Variants in SLC25A31 observed in about 807,000 individuals in gnomAD.
The protein encoded by SLC25A31 is ADP/ATP translocase 4.
SLC25A31 carries 40 observed loss-of-function variants against 36.2 expected under a neutral mutation model. The ratio of observed to expected loss-of-function variants is 1.10; its 90% CI spans 0.86 to 1.44. SLC25A31 has a LOEUF of 1.44. Among genes scored for constraint, SLC25A31 ranks in the 40% most tolerant of loss-of-function variants. SLC25A31 has a pLI of 0.00. For synonymous variants in SLC25A31, 143 were observed against 149.7 expected (o/e 0.96, Z 0.32); for missense variants, 350 against 397.1 (o/e 0.88, Z 1.01).
At chr4:127,754,489 A>G (rs987308557) in intron 2 of SLC25A31, among the ~76,000 whole-genome samples, 2 of 152,116 alleles carry the variant, frequency 1.3e-5, no homozygotes, top group Admixed American at 6.5e-5. Flanking sequence ...TTACATACTA[A>G]CAATGAATTC....
chr4:127,743,014 T>C (rs1731759229), intron 1 of SLC25A31, among the ~76,000 whole-genome samples: 1 of 152,118 alleles, frequency 6.6e-6, no homozygotes, highest in South Asian at 2.1e-4. Flanking sequence ...AGAACTTTTC[T>C]GTGATTTGTT....
intron 2 of SLC25A31, among the ~76,000 whole-genome samples, chr4:127,748,237 A>T (rs568204628): frequency 2.0e-5 from 3 of 152,314 alleles, no homozygotes; most frequent in Admixed American, 6.5e-5. Context: ...CACTCACCTC[A>T]GTCCCTTATA....
intron 5 of SLC25A31, among the ~76,000 whole-genome samples, chr4:127,772,789 T>C (rs1732388242): frequency 6.7e-6 from 1 of 150,160 alleles, no homozygotes. Flanking sequence ...TTTTTTTCTT[T>C]TTTTTTTTTT....
chr4:127,739,309 C>T (rs185993522), intron 1 of SLC25A31, among the ~76,000 whole-genome samples: 19 of 152,196 alleles, frequency 1.2e-4, no homozygotes, highest in African/African-American at 4.1e-4. Context: ...ATTCTCTTAG[C>T]ACTTGCTTGC....
intron 2 of SLC25A31, among the ~76,000 whole-genome samples, chr4:127,755,809 G>A (rs975658378): frequency 3.3e-5 from 5 of 152,128 alleles, no homozygotes; most frequent in Admixed American, 1.3e-4. Context: ...CAAGGCGGGC[G>A]GATCACCTGA....
chr4:127,771,852 C>A (rs1329377298), intron 5 of SLC25A31, among the ~76,000 whole-genome samples: 1 of 152,152 alleles, frequency 6.6e-6, no homozygotes, highest in Non-Finnish European at 1.5e-5. Context: ...GATGATTAAA[C>A]CTTTTTTTCT....
Position 127,744,726 on chromosome 4 carries a change from C to T in SLC25A31, c.287C>T (p.Thr96Ile). The T allele has an allele frequency of 6.2e-7, 1 of 1,604,850 alleles. No homozygotes were observed. The highest frequency in any genetic ancestry group is 2.2e-5 in the East Asian group (1 of 44,662). Residue 96 changes from threonine (T) to isoleucine (I), a missense_variant, in exon 2 of 6, where the codon ACA becomes ATA. Physicochemically the swap from Thr to Ile is moderately conservative, Grantham distance 89. Transcript: ENST00000281154. ...GCAAATGTTATTCGGTATTTTCCAA[C>T]ACAAGCTCTAAACTTTGCTTTTAAG... ...NLANVIRYFP[T>I]QALNFAFKDK...
intron 1 of SLC25A31, among the ~76,000 whole-genome samples, chr4:127,743,292 G>A (rs758512483): frequency 1.5e-4 from 23 of 151,774 alleles, no homozygotes; most frequent in Non-Finnish European, 3.2e-4. Context: ...CACGGCACAC[G>A]GCTAATTTAT....
intron 1 of SLC25A31, among the ~76,000 whole-genome samples, chr4:127,734,344 G>A (rs1731583329): frequency 6.6e-6 from 1 of 152,068 alleles, no homozygotes; most frequent in African/African-American, 2.4e-5. Flanking sequence ...CAGATCACTT[G>A]AGGCCAGGAG....
At chr4:127,772,058 G>A (rs1732373664) in intron 5 of SLC25A31, among the ~76,000 whole-genome samples, 1 of 152,084 alleles carries the variant, frequency 6.6e-6, no homozygotes, top group African/African-American at 2.4e-5. Context: ...GCTCTAGTAT[G>A]ACTTCAGTAG....
chr4:127,773,373 T>C lies in SLC25A31; in HGVS notation c.760-13T>C, dbSNP rs778384657. The C allele has an allele frequency of 6.3e-7, 1 of 1,590,448 alleles. No individual in the cohort carries two copies. The highest frequency in any genetic ancestry group is 8.5e-7 in the Non-Finnish European group (1 of 1,172,558). On this transcript the variant is annotated splice_polypyrimidine_tract_variant and intron_variant, in intron 5 of 5. Coordinates refer to ENST00000281154, the MANE Select transcript of SLC25A31 (RefSeq NM_031291.4). ...TTCAGATAATGGAAAACCCTTTGTT[T>C]TTCTTTGTATAGAGTGGTGAGGCTA...
chr4:127,758,157 C>G (rs1281322573), intron 2 of SLC25A31, among the ~76,000 whole-genome samples: 1 of 152,174 alleles, frequency 6.6e-6, no homozygotes, highest in Non-Finnish European at 1.5e-5. Flanking sequence ...ACCCCCGGGT[C>G]CTTCCCACAG....
intron 2 of SLC25A31, among the ~76,000 whole-genome samples, chr4:127,762,754 TA>T (rs1307132319): frequency 1.6e-4 from 24 of 147,248 alleles, no homozygotes; most frequent in East Asian, 3.9e-4. Flanking sequence ...CCATCTCTAC[TA>T]AAAAAAAAAT....
intron 2 of SLC25A31, among the ~76,000 whole-genome samples, chr4:127,752,278 A>G (rs1237527560): frequency 6.6e-6 from 1 of 152,166 alleles, no homozygotes; most frequent in Admixed American, 6.6e-5. Context: ...AGGGACATGG[A>G]TGAAGCTGGA....
At chr4:127,748,520 C>T (rs1731864028) in intron 2 of SLC25A31, among the ~76,000 whole-genome samples, 1 of 152,192 alleles carries the variant, frequency 6.6e-6, no homozygotes, top group Non-Finnish European at 1.5e-5. Context: ...CCCATCAGCA[C>T]ACCTAGTAAC....
chr4:127,765,433 T>G (rs1732222814), intron 3 of SLC25A31, among the ~76,000 whole-genome samples: 1 of 152,228 alleles, frequency 6.6e-6, no homozygotes, highest in South Asian at 2.1e-4. Context: ...TGTTCTCTTA[T>G]TGGCCTATCT....
At chr4:127,766,150 TTG>T (rs1491290785) in intron 3 of SLC25A31, among the ~76,000 whole-genome samples, 241 of 91,674 alleles carry the variant, frequency 2.6e-3, no homozygotes, top group South Asian at 0.026. Context: ...GTTTTTTTAT[TTG>T]TTTTTTTTTT....
intron 2 of SLC25A31, among the ~76,000 whole-genome samples, chr4:127,760,741 C>T (rs927924863): frequency 2.0e-5 from 3 of 152,080 alleles, no homozygotes; most frequent in African/African-American, 7.2e-5. Flanking sequence ...CGTGCCTCTT[C>T]TTTTAACAAT....
At chr4:127,773,234 C>T in intron 5 of SLC25A31, 152 bp from the exon 6 acceptor site, 1 of 570,812 alleles carries the variant, frequency 1.8e-6, no homozygotes. Context: ...TATGAATGTT[C>T]TCTAACCACC....
Sources: allele counts gnomAD v4.1 joint callset (sites outside exome capture counted in the v4.1 genomes callset), GRCh38; gene constraint gnomAD v4.1.1; transcripts MANE v1.5; gene names NCBI Gene and HGNC (gene_info 2026-07-23, HGNC 2026-07-21).